The following TRHDE variants were observed in gnomAD, a reference collection of about 807,000 sequenced individuals.
The protein encoded by TRHDE is thyrotropin-releasing hormone-degrading ectoenzyme.
Under a neutral mutation model 125.7 loss-of-function variants are expected in TRHDE, and 72 were observed. The ratio of observed to expected loss-of-function variants is 0.57; its 90% CI spans 0.47 to 0.70. The LOEUF (loss-of-function observed/expected upper bound fraction) is 0.70. Among genes scored for constraint, TRHDE ranks in the 30% least tolerant of loss-of-function variants. TRHDE has a pLI of 0.00. For missense variants in TRHDE, 1,110 were observed against 1,327.1 expected, an observed-to-expected ratio of 0.84 and a Z score of 2.54; for synonymous variants, 509 against 509.1, an observed-to-expected ratio of 1.00 and a Z score of 0.00.
intron 6 of TRHDE, among the ~76,000 whole-genome samples, chr12:72,516,145 A>G (rs2135955219): frequency 6.6e-6 from 1 of 151,436 alleles, no homozygotes; most frequent in South Asian, 2.1e-4. Flanking sequence ...TTGGTTCCAT[A>G]TGAACTTTAA....
intron 17 of TRHDE, among the ~76,000 whole-genome samples, chr12:72,655,442 CTTTG>C (rs1401537319): frequency 6.6e-6 from 1 of 152,054 alleles, no homozygotes; most frequent in Non-Finnish European, 1.5e-5. Context: ...GTCTCTTTTT[CTTTG>C]TTTATGTTCA....
At chr12:72,553,788 C>A (rs1332843715) in intron 7 of TRHDE, among the ~76,000 whole-genome samples, 2 of 150,888 alleles carry the variant, frequency 1.3e-5, no homozygotes, top group African/African-American at 4.9e-5. Context: ...ATATAATTTT[C>A]TTTTCTTTCC....
chr12:72,151,254 C>G (rs894929039), intron 2 of TRHDE, among the ~76,000 whole-genome samples: 3 of 150,700 alleles, frequency 2.0e-5, no homozygotes, highest in Non-Finnish European at 4.4e-5. Flanking sequence ...TTGTTTTTTT[C>G]TTGTAAATTT....
rs149522332 is a variant in TRHDE at position 72,484,937 on chromosome 12, C to G, written c.1584+11757C>G. Reference sequence around the variant, plus strand: ...GCAGAAATCTAGTAGAGCACAGAAACTCAGGATGGCTACATAGGGAAGGGA... The same window carrying G: ...GCAGAAATCTAGTAGAGCACAGAAAGTCAGGATGGCTACATAGGGAAGGGA... On this transcript the variant is annotated intron_variant, in intron 5 of 18. Transcript: ENST00000261180. Among the ~76,000 whole-genome samples, 1,078 of 152,240 alleles carry G rather than the reference C, an allele frequency of 7.1e-3. 11 individuals carry two copies. The highest frequency in any genetic ancestry group is 0.011 in the Non-Finnish European group (780 of 68,010).
chr12:72,654,020 A>G (rs1023669372), intron 17 of TRHDE, among the ~76,000 whole-genome samples: 12 of 152,212 alleles, frequency 7.9e-5, no homozygotes, highest in Admixed American at 7.2e-4. Context: ...TGATATTTCT[A>G]TAAGACACAT....
chr12:72,492,328 T>A (rs927144771), intron 5 of TRHDE, among the ~76,000 whole-genome samples: 1 of 151,954 alleles, frequency 6.6e-6, no homozygotes, highest in Admixed American at 6.6e-5. Context: ...AACTTTCAAC[T>A]GGTAGAACTT....
intron 6 of TRHDE, among the ~76,000 whole-genome samples, chr12:72,506,043 A>T (rs543662563): frequency 6.6e-6 from 1 of 152,298 alleles, no homozygotes; most frequent in East Asian, 1.9e-4. Context: ...TCATGCCTGT[A>T]ATCCCAGCAC....
intron 2 of TRHDE, among the ~76,000 whole-genome samples, chr12:72,151,342 G>A (rs1232615306): frequency 1.3e-5 from 2 of 152,044 alleles, no homozygotes; most frequent in East Asian, 1.9e-4. Flanking sequence ...CCATTCTGTA[G>A]GTTGCCTGTT....
intron 2 of TRHDE, among the ~76,000 whole-genome samples, chr12:72,361,437 A>G (rs1174687684): frequency 6.6e-6 from 1 of 151,922 alleles, no homozygotes; most frequent in East Asian, 1.9e-4. Context: ...AGTGTAAAAG[A>G]TAAAAAATAT....
intron 2 of TRHDE, among the ~76,000 whole-genome samples, chr12:72,345,085 G>A (rs764603085): frequency 5.9e-5 from 9 of 152,000 alleles, no homozygotes; most frequent in Non-Finnish European, 1.3e-4. Flanking sequence ...ATAGAACTTC[G>A]CTTGTTAATT....
intron 1 of TRHDE, among the ~76,000 whole-genome samples, chr12:72,284,780 A>G (rs4550264): frequency 0.96 from 146,177 of 152,288 alleles, 70,160 homozygotes; most frequent in East Asian, 1. Context: ...ATTTATGGGA[A>G]TAGGACAATT....
chr12:72,501,673 CTTG>C (rs1878161611), intron 6 of TRHDE, among the ~76,000 whole-genome samples: 2 of 151,970 alleles, frequency 1.3e-5, no homozygotes, highest in Non-Finnish European at 2.9e-5. Flanking sequence ...CGTCTTTCAC[CTTG>C]TTGTCACTAT....
chr12:72,567,562 A>G (rs1348482023), intron 9 of TRHDE, among the ~76,000 whole-genome samples: 2 of 152,010 alleles, frequency 1.3e-5, no homozygotes, highest in Non-Finnish European at 2.9e-5. Context: ...AGACATATTC[A>G]TTATAATGTT....
At chr12:72,256,430 ACT>A (rs1357068847) in intron 2 of TRHDE, 1 of 152,108 alleles carries the variant, frequency 6.6e-6, no homozygotes, top group East Asian at 1.9e-4. Flanking sequence ...GGCTTCCCTA[ACT>A]ATCATATTTA....
chr12:72,502,490 A>T (rs1878197681), intron 6 of TRHDE, among the ~76,000 whole-genome samples: 1 of 152,064 alleles, frequency 6.6e-6, no homozygotes, highest in Admixed American at 6.6e-5. Context: ...TTCATTTCTT[A>T]TTTAATTTTA....
intron 2 of TRHDE, chr12:72,140,536 T>G (rs1003008147): frequency 1.3e-5 from 2 of 152,248 alleles, no homozygotes; most frequent in Non-Finnish European, 2.9e-5. Flanking sequence ...CCCGGGGCTG[T>G]GTCATGGGCC....
chr12:72,515,723 A>G (rs971555342), intron 6 of TRHDE, among the ~76,000 whole-genome samples: 3 of 152,036 alleles, frequency 2.0e-5, no homozygotes, highest in Non-Finnish European at 2.9e-5. Flanking sequence ...GCCCATGCCT[A>G]TGTCCTAAAT....
At chr12:72,599,704 A>G (rs1872129753) in intron 12 of TRHDE, among the ~76,000 whole-genome samples, 1 of 152,120 alleles carries the variant, frequency 6.6e-6, no homozygotes, top group African/African-American at 2.4e-5. Flanking sequence ...TGCTGTGCAG[A>G]AACTCTTTAG....
chr12:72,476,276 A>T (rs1228648105), intron 5 of TRHDE, among the ~76,000 whole-genome samples: 1 of 152,188 alleles, frequency 6.6e-6, no homozygotes, highest in Non-Finnish European at 1.5e-5. Context: ...TTAGTTTGTG[A>T]GATAGCTCAA....
Sources: gnomAD v4.1 joint callset for allele counts (sites outside exome capture counted in the v4.1 genomes callset) on GRCh38, gnomAD v4.1.1 for gene constraint, MANE v1.5 for transcripts, NCBI Gene and HGNC (gene_info 2026-07-23, HGNC 2026-07-21) for gene names.